Variants in TPCN1 observed in about 807,000 individuals in gnomAD.
The protein encoded by TPCN1 is two pore segment channel 1, also known as two pore channel protein 1.
A neutral mutation model predicts 108.8 loss-of-function variants in TPCN1; 52 were observed. The observed-to-expected ratio is 0.48, with a 90% CI of 0.38 to 0.60. TPCN1 has a LOEUF of 0.60. Among genes scored for constraint, TPCN1 ranks in the 20% least tolerant of loss-of-function variants. The pLI is 0.00. For missense variants in TPCN1, 806 were observed against 1,072.8 expected (o/e 0.75, Z 3.47); for synonymous variants, 446 against 433.7 (o/e 1.03, Z -0.35).
chr12:113,242,254 ACCT>A (rs1954169979), intron 2 of TPCN1, among the ~76,000 whole-genome samples: 1 of 151,762 alleles, frequency 6.6e-6, no homozygotes, highest in South Asian at 2.1e-4. Context: ...GCCAGGACTG[ACCT>A]CCTTGGCTGT....
rs1955260969 is a variant in TPCN1 at position 113,266,348 on chromosome 12, G to A, written c.406G>A (p.Gly136Ser). 6.2e-7 allele frequency: 1 copy of A among 1,606,950 alleles called. No individual in the cohort carries two copies. Among genetic ancestry groups the A allele is most frequent in the South Asian group, 1.1e-5 (1 of 91,066 alleles). The change falls in exon 4 of 28, where the codon GGC becomes AGC. Residue 136 changes from glycine to serine, a missense_variant. By Grantham distance (56) the Gly-to-Ser change is moderately conservative. Coordinates refer to ENST00000335509, the MANE Select transcript of TPCN1 (RefSeq NM_017901.6). The surrounding 1 kb of genome is among the most constrained non-coding windows in gnomAD (Gnocchi z 4.2). Reference protein sequence around the residue: ...EAPAVPALRLGIYVHATLELF... With the variant: ...EAPAVPALRLSIYVHATLELF... ...CCCCGCCGTCCCCGCACTCCGGCTT[G>A]GCATCTATGTGAGCGCACATGCTCC...
intron 27 of TPCN1, among the ~76,000 whole-genome samples, chr12:113,294,748 G>A (rs533750561): frequency 3.5e-4 from 53 of 152,088 alleles, no homozygotes; most frequent in Non-Finnish European, 6.9e-4. Flanking sequence ...CATTTGGCAC[G>A]GTGCCTTCCA....
At chr12:113,239,057 C>T (rs866183715) in intron 2 of TPCN1, among the ~76,000 whole-genome samples, 21 of 152,212 alleles carry the variant, frequency 1.4e-4, no homozygotes, top group South Asian at 6.2e-4. Flanking sequence ...TTGCTTGAGC[C>T]CAGGAGTCTG....
At position 113,269,771 on chromosome 12, in the gene TPCN1, T is replaced by C; in HGVS notation, c.674T>C (p.Ile225Thr). Residue 225 changes from isoleucine to threonine, a missense_variant, in exon 7 of 28, where the codon ATC becomes ACC. Coordinates refer to ENST00000335509, the MANE Select transcript of TPCN1 (RefSeq NM_017901.6). This position sits in a 1 kb window ranked among gnomAD's most constrained non-coding sequence, Gnocchi z 5.0. The part of the protein sequence containing the change: ...CGGVRRNLRQ[I>T]FQSLPPFMDI... ...TCTCTCCCCAGCAACCTGCGGCAGATCTTCCAGTCCCTGCCGCCCTTCATG... is the reference window on the plus strand; with the variant it reads ...TCTCTCCCCAGCAACCTGCGGCAGACCTTCCAGTCCCTGCCGCCCTTCATG... The C allele has an allele frequency of 6.2e-7, 1 of 1,613,706 alleles. No homozygotes were observed. The highest frequency in any genetic ancestry group is 8.5e-7 in the Non-Finnish European group (1 of 1,179,984).
chr12:113,226,558 G>T (rs1953476603), intron 1 of TPCN1, among the ~76,000 whole-genome samples, 170 bp from the exon 2 acceptor site: 1 of 152,180 alleles, frequency 6.6e-6, no homozygotes, highest in African/African-American at 2.4e-5. Flanking sequence ...TGGGATTATA[G>T]GTGTGAGCCA....
intron 1 of TPCN1, among the ~76,000 whole-genome samples, chr12:113,221,851 C>A (rs1383920315): frequency 6.6e-6 from 1 of 152,206 alleles, no homozygotes; most frequent in African/African-American, 2.4e-5. Flanking sequence ...GCGACCCTCA[C>A]GTGGGCTCCC....
In TPCN1 at chr12:113,291,928, A is replaced by T. The variant is rs1456645452; in HGVS notation, c.2083A>T (p.Asn695Tyr). The change falls in exon 25 of 28, where the codon AAC becomes TAC. Residue 695 changes from asparagine (N) to tyrosine (Y), a missense_variant. Physicochemically the swap from Asn to Tyr is moderately radical, Grantham distance 143 (BLOSUM62 -2). Transcript: ENST00000335509. ...FILEAFVFRM[N>Y]YSRKNQDSEV... ...CCTCGAGGCCTTCGTCTTCCGAATGAACTACAGCCGCAAGAACCAGGACTC... is the reference window on the plus strand; with the variant it reads ...CCTCGAGGCCTTCGTCTTCCGAATGTACTACAGCCGCAAGAACCAGGACTC... 1.2e-6 allele frequency: 2 copies of T among 1,613,060 alleles called. No homozygotes were observed. Among genetic ancestry groups the T allele is most frequent in the Admixed American group, 3.3e-5 (2 of 59,976 alleles).
At chr12:113,242,695 C>G (rs1296246985) in intron 2 of TPCN1, among the ~76,000 whole-genome samples, 1 of 151,654 alleles carries the variant, frequency 6.6e-6, no homozygotes. Context: ...TCAGACGTGC[C>G]CTGCTGTTGA....
Position 113,232,231 on chromosome 12 carries a change from C to T in TPCN1, c.112+5267C>T, listed in dbSNP as rs59674568. ...AGAGAGCTGACCTCTCCCTCCTTCA[C>T]GCCGATGCCTGGCACATCATCTGGA... On this transcript the variant is annotated intron_variant, in intron 2 of 27. Coordinates refer to ENST00000335509, the MANE Select transcript of TPCN1 (RefSeq NM_017901.6). This position sits in a 1 kb window ranked among gnomAD's most constrained non-coding sequence, Gnocchi z 5.6. 7.5e-3 allele frequency among the ~76,000 whole-genome samples: 1,141 copies of T among 152,364 alleles called. 20 individuals are homozygous for T. Among genetic ancestry groups the T allele is most frequent in the African/African-American group, 0.026 (1,061 of 41,580 alleles).
intron 1 of TPCN1, among the ~76,000 whole-genome samples, chr12:113,224,876 G>A (rs777831399): frequency 1.0e-3 from 155 of 152,134 alleles, no homozygotes; most frequent in Admixed American, 3.7e-3. Context: ...TCAGCCTACA[G>A]AGTAGCTGGG....
In TPCN1 at chr12:113,273,923, C is replaced by T. The variant is rs913756064; in HGVS notation, c.942+255C>T. 6.6e-6 allele frequency among the ~76,000 whole-genome samples: 1 copy of T among 152,162 alleles called. No homozygotes were observed. Among genetic ancestry groups the T allele is most frequent in the African/African-American group, 2.4e-5 (1 of 41,434 alleles). ...GATGCTGGTAGTGCTGGATGTGAAACCCAGGCAACCCTGGGACCTTTTCAT... is the reference window on the plus strand; with the variant it reads ...GATGCTGGTAGTGCTGGATGTGAAATCCAGGCAACCCTGGGACCTTTTCAT... On this transcript the variant is annotated intron_variant, in intron 10 of 27. Coordinates refer to ENST00000335509, the MANE Select transcript of TPCN1 (RefSeq NM_017901.6). This position sits in a 1 kb window ranked among gnomAD's most constrained non-coding sequence, Gnocchi z 4.0.
Position 113,268,666 on chromosome 12 carries a change from C to T in TPCN1, c.529-76C>T. 6 of 1,575,020 alleles carry T rather than the reference C, an allele frequency of 3.8e-6. No homozygotes were observed. Among genetic ancestry groups the T allele is most frequent in the Non-Finnish European group, 5.2e-6 (6 of 1,159,796 alleles). The stretch of plus-strand genomic sequence containing the variant: ...GAGGCCAGAGTGGGCACTGCCTCTC[C>T]AGCCCCCCGTTCCAGGTATGCAGGA... On this transcript the variant is annotated intron_variant, in intron 5 of 27. Transcript: ENST00000335509. This position sits in a 1 kb window ranked among gnomAD's most constrained non-coding sequence, Gnocchi z 7.3.
intron 10 of TPCN1, among the ~76,000 whole-genome samples, chr12:113,274,818 G>A (rs964585567): frequency 1.3e-5 from 2 of 152,214 alleles, no homozygotes; most frequent in African/African-American, 4.8e-5. Context: ...GAGTGGCCAG[G>A]CCAGGCTCAT....
chr12:113,270,349 C>A (rs988715769), intron 7 of TPCN1, among the ~76,000 whole-genome samples: 5 of 152,206 alleles, frequency 3.3e-5, no homozygotes, highest in African/African-American at 7.2e-5. Context: ...TCTGGAAGTC[C>A]AAGATCAAAG....
At position 113,288,952 on chromosome 12, in the gene TPCN1, CCTGT is replaced by C; in HGVS notation, c.1796+108_1796+111del. 5 of 1,128,102 alleles carry C rather than the reference CCTGT, an allele frequency of 4.4e-6. No individual in the cohort carries two copies. Among genetic ancestry groups the C allele is most frequent in the Non-Finnish European group, 6.6e-6 (5 of 755,176 alleles). 69.9% of individuals were successfully genotyped at this position (1,128,102 alleles called of 1,614,324 possible). On this transcript the variant is annotated intron_variant, in intron 21 of 27. Transcript: ENST00000335509. This position sits in a 1 kb window ranked among gnomAD's most constrained non-coding sequence, Gnocchi z 4.8. ...TGGCCTTGGGGTCCTCGGGGATGTTCCTGTCTAAGCAACCACCTTGCTTTGCTTT... is the reference window on the plus strand; with the variant it reads ...TGGCCTTGGGGTCCTCGGGGATGTTCCTAAGCAACCACCTTGCTTTGCTTT...
rs1010498222 is a variant in TPCN1 at position 113,289,306 on chromosome 12, C to T, written c.1796+459C>T. On this transcript the variant is annotated intron_variant, in intron 21 of 27. Coordinates refer to ENST00000335509, the MANE Select transcript of TPCN1 (RefSeq NM_017901.6). The surrounding 1 kb of genome is among the most constrained non-coding windows in gnomAD (Gnocchi z 4.1). ...CATGAGCACTCCCTTTCTCCTGAGCCGCCACAGTGAAATCACTGCACACTG... is the reference window on the plus strand; with the variant it reads ...CATGAGCACTCCCTTTCTCCTGAGCTGCCACAGTGAAATCACTGCACACTG... Among the ~76,000 whole-genome samples, 1 of 152,222 alleles carries T rather than the reference C, an allele frequency of 6.6e-6. No homozygotes were observed. The highest frequency in any genetic ancestry group is 2.4e-5 in the African/African-American group (1 of 41,466).
At chr12:113,240,899 A>G (rs947524572) in intron 2 of TPCN1, among the ~76,000 whole-genome samples, 10 of 152,232 alleles carry the variant, frequency 6.6e-5, no homozygotes, top group African/African-American at 2.4e-4. Context: ...GGCATCTGCC[A>G]TCATGCCTGG....
chr12:113,288,928 G>A lies in TPCN1; in HGVS notation c.1796+81G>A. 1 of 1,413,820 alleles carries A rather than the reference G, an allele frequency of 7.1e-7. No homozygotes were observed. The highest frequency in any genetic ancestry group is 1.7e-5 in the Admixed American group (1 of 59,386). 87.6% of individuals were successfully genotyped at this position (1,413,820 alleles called of 1,614,324 possible). A position where few individuals can be genotyped will look rare whatever the true frequency, so the allele number is the denominator to read the frequency against. The stretch of plus-strand genomic sequence containing the variant: ...CCAGGGCCAGGATTGGTGTCCTTGT[G>A]GCCTTGGGGTCCTCGGGGATGTTCC... On this transcript the variant is annotated intron_variant, in intron 21 of 27. Transcript: ENST00000335509. This position sits in a 1 kb window ranked among gnomAD's most constrained non-coding sequence, Gnocchi z 4.8.
chr12:113,287,824 GGGCACAT>G (rs1956135339), intron 19 of TPCN1, among the ~76,000 whole-genome samples: 1 of 152,194 alleles, frequency 6.6e-6, no homozygotes, highest in Non-Finnish European at 1.5e-5. Flanking sequence ...CCGCTCCCCG[GGGCACAT>G]GGGCTTCTCC....
Sources: allele counts gnomAD v4.1 joint callset (sites outside exome capture counted in the v4.1 genomes callset), GRCh38; gene constraint gnomAD v4.1.1; non-coding constraint Gnocchi (gnomAD v3.1); transcripts MANE v1.5; gene names NCBI Gene and HGNC (gene_info 2026-07-23, HGNC 2026-07-21).